The following CSMD2 variants were observed in gnomAD, a reference collection of about 807,000 sequenced individuals.
CSMD2 encodes CUB and Sushi multiple domains 2.
In CSMD2, 130 loss-of-function variants were observed where a neutral mutation model predicts 398.5. The ratio of observed to expected loss-of-function variants is 0.33; its 90% CI spans 0.28 to 0.38. The LOEUF is 0.38. Ranked by LOEUF, CSMD2 falls within the 10% of genes least tolerant of loss-of-function variation. The pLI is 1.00. For missense variants in CSMD2, 3,829 were observed against 4,764.9 expected, an observed-to-expected ratio of 0.80 and a Z score of 5.78; for synonymous variants, 1,828 against 1,908.5, an observed-to-expected ratio of 0.96 and a Z score of 1.10.
intron 3 of CSMD2, among the ~76,000 whole-genome samples, chr1:33,990,227 G>A (rs780778502): frequency 2.6e-5 from 4 of 152,076 alleles, no homozygotes; most frequent in South Asian, 2.1e-4. Flanking sequence ...AGCTGAGATC[G>A]TGCCACTGCA....
chr1:33,708,778 T>A (rs890229485), intron 22 of CSMD2, among the ~76,000 whole-genome samples: 1 of 152,062 alleles, frequency 6.6e-6, no homozygotes, highest in Non-Finnish European at 1.5e-5. Flanking sequence ...ATTTTTGTAT[T>A]TTTTGTAGAG....
chr1:34,069,098 C>A (rs980789512), intron 2 of CSMD2, among the ~76,000 whole-genome samples: 1 of 152,214 alleles, frequency 6.6e-6, no homozygotes, highest in African/African-American at 2.4e-5. Flanking sequence ...TGGCAGCCTG[C>A]ATGACATTGT....
intron 2 of CSMD2, among the ~76,000 whole-genome samples, chr1:34,061,775 A>T (rs1654537952): frequency 6.6e-6 from 1 of 152,210 alleles, no homozygotes; most frequent in Non-Finnish European, 1.5e-5. Context: ...ACCATAGCTC[A>T]TCGTGACTGC....
At chr1:33,828,624 A>C (rs1310559292) in intron 6 of CSMD2, among the ~76,000 whole-genome samples, 1 of 152,190 alleles carries the variant, frequency 6.6e-6, no homozygotes, top group Non-Finnish European at 1.5e-5. Flanking sequence ...TGATGTGGGC[A>C]CTGTGAGATA....
intron 1 of CSMD2, among the ~76,000 whole-genome samples, chr1:34,161,524 A>G (rs1378914518): frequency 6.6e-6 from 1 of 152,206 alleles, no homozygotes; most frequent in Non-Finnish European, 1.5e-5. Context: ...GAGATAGGAG[A>G]AAAATCAGTA....
chr1:34,148,643 C>T (rs191218587), intron 1 of CSMD2, among the ~76,000 whole-genome samples: 1 of 152,342 alleles, frequency 6.6e-6, no homozygotes, highest in East Asian at 1.9e-4. Flanking sequence ...GGCAGGAGAG[C>T]TGCATGCTCT....
chr1:33,799,549 T>A (rs1290713567), intron 10 of CSMD2, among the ~76,000 whole-genome samples: 2 of 152,200 alleles, frequency 1.3e-5, no homozygotes, highest in Non-Finnish European at 2.9e-5. Flanking sequence ...CCCAACTTTA[T>A]TGGGAGTGTG....
intron 2 of CSMD2, among the ~76,000 whole-genome samples, chr1:34,072,018 C>G (rs1336531534): frequency 6.6e-6 from 1 of 152,198 alleles, no homozygotes; most frequent in Non-Finnish European, 1.5e-5. Flanking sequence ...GTGAAGATCA[C>G]AAGCAAACCA....
intron 6 of CSMD2, among the ~76,000 whole-genome samples, chr1:33,841,640 T>C (rs1427971269): frequency 8.6e-6 from 1 of 116,072 alleles, no homozygotes; most frequent in Non-Finnish European, 2.0e-5. Flanking sequence ...CTACCAGAAC[T>C]GAAAAAAAAA....
chr1:33,779,900 G>A (rs1386765962), intron 12 of CSMD2, among the ~76,000 whole-genome samples: 2 of 152,162 alleles, frequency 1.3e-5, no homozygotes, highest in Non-Finnish European at 2.9e-5. Context: ...AAACTTTTGA[G>A]GCATGATGGG....
At chr1:33,615,431 G>C (rs1641320987) in intron 39 of CSMD2, among the ~76,000 whole-genome samples, 1 of 152,204 alleles carries the variant, frequency 6.6e-6, no homozygotes, top group Admixed American at 6.5e-5. Context: ...GTGCTTTCTG[G>C]GGAGAGGACA....
chr1:33,924,153 A>G (rs895911408), intron 4 of CSMD2, among the ~76,000 whole-genome samples: 9 of 152,084 alleles, frequency 5.9e-5, no homozygotes, highest in African/African-American at 1.7e-4. Flanking sequence ...TTTACTTAGC[A>G]TAATGACCTC....
chr1:34,111,429 T>G (rs1661066056), intron 1 of CSMD2, among the ~76,000 whole-genome samples: 1 of 152,150 alleles, frequency 6.6e-6, no homozygotes, highest in Non-Finnish European at 1.5e-5. Flanking sequence ...GGTCTGCCTT[T>G]TTTACCACTA....
chr1:33,872,182 C>G (rs1484644837), intron 5 of CSMD2, among the ~76,000 whole-genome samples: 1 of 151,984 alleles, frequency 6.6e-6, no homozygotes, highest in Non-Finnish European at 1.5e-5. Flanking sequence ...AAATATGTAC[C>G]TAATAAACTT....
In CSMD2 at chr1:33,636,621, C is replaced by T; in HGVS notation, c.4775-67G>A. 1 of 1,414,664 alleles carries T rather than the reference C, an allele frequency of 7.1e-7. No homozygotes were observed. The highest frequency in any genetic ancestry group is 9.9e-7 in the Non-Finnish European group (1 of 1,015,202). The allele number at this position is 1,414,664 out of a possible 1,614,324, so 87.6% of individuals were successfully genotyped here. On this transcript the variant is annotated intron_variant, in intron 29 of 70. Transcript: ENST00000373381. The surrounding 1 kb of genome is among the most constrained non-coding windows in gnomAD (Gnocchi z 4.8). ...CTCATGAGGAGGCTATTCTTGGGCTCCAGTGCCCATGAGGAGAACCCGACT... is the reference window on the plus strand; with the variant it reads ...CTCATGAGGAGGCTATTCTTGGGCTTCAGTGCCCATGAGGAGAACCCGACT...
intron 20 of CSMD2, 65 bp from the exon 21 acceptor site, chr1:33,714,840 G>A: frequency 6.6e-7 from 1 of 1,523,150 alleles, no homozygotes. Context: ...AAAAAGATGG[G>A]AACGCACAGG....
chr1:33,926,856 C>A (rs547033620), intron 4 of CSMD2, among the ~76,000 whole-genome samples: 1 of 152,292 alleles, frequency 6.6e-6, no homozygotes, highest in Admixed American at 6.5e-5. Context: ...AGAGAACTCT[C>A]CCTCAATCCT....
chr1:33,716,843 T>C (rs1278120172), intron 19 of CSMD2, among the ~76,000 whole-genome samples: 1 of 152,216 alleles, frequency 6.6e-6, no homozygotes, highest in African/African-American at 2.4e-5. Context: ...AGCATTTGTG[T>C]ATTTGTTGAG....
rs543126724 is a variant in CSMD2 at position 33,563,906 on chromosome 1, A to G, written c.8380+3687T>C. Among the ~76,000 whole-genome samples, 3 of 152,256 alleles carry G rather than the reference A, an allele frequency of 2.0e-5. No homozygotes were observed. In the South Asian group the frequency reaches 6.2e-4, roughly 32 times the overall value. On this transcript the variant is annotated intron_variant, in intron 53 of 70. Transcript: ENST00000373381. The stretch of plus-strand genomic sequence containing the variant: ...GACTTTGTATGTACTGGCAGCTAAC[A>G]CAGTGCTTAGCACAGAGTAAACACT...
Sources: allele counts gnomAD v4.1 joint callset (sites outside exome capture counted in the v4.1 genomes callset), GRCh38; gene constraint gnomAD v4.1.1; non-coding constraint Gnocchi (gnomAD v3.1); transcripts MANE v1.5; gene names NCBI Gene and HGNC (gene_info 2026-07-23, HGNC 2026-07-21).